Variants in SKAP1 observed in about 807,000 individuals in gnomAD.
The protein encoded by SKAP1 is src kinase-associated phosphoprotein 1.
A neutral mutation model predicts 58.5 loss-of-function variants in SKAP1; 44 were observed. That is an observed-to-expected ratio of 0.75 (90% CI 0.59 to 0.97). The LOEUF is 0.97. Among genes scored for constraint, SKAP1 ranks in the 50% least tolerant of loss-of-function variants. The probability of loss-of-function intolerance (pLI) is 0.00; values close to 1 mark genes in which losing one functional copy is unlikely to be tolerated. For synonymous variants in SKAP1, 127 were observed against 149.7 expected (o/e 0.85, Z 1.11); for missense variants, 390 against 435.2 (o/e 0.90, Z 0.92).
At chr17:48,305,551 G>T (rs9900461) in intron 4 of SKAP1, among the ~76,000 whole-genome samples, 14,037 of 152,154 alleles carry the variant, frequency 0.092, 975 homozygotes, top group African/African-American at 0.17. Flanking sequence ...AAAGTCTAAA[G>T]CTAGATTAGC....
chr17:48,312,009 T>C (rs1434128610), intron 4 of SKAP1, among the ~76,000 whole-genome samples: 2 of 152,230 alleles, frequency 1.3e-5, no homozygotes, highest in Non-Finnish European at 1.5e-5. Context: ...TACAAAAATC[T>C]TTCTAAGGAA....
chr17:48,208,273 T>C (rs888259122), intron 4 of SKAP1, among the ~76,000 whole-genome samples: 4 of 152,122 alleles, frequency 2.6e-5, no homozygotes, highest in African/African-American at 9.7e-5. Flanking sequence ...ACCATGTCAC[T>C]CCTGTGACCT....
intron 4 of SKAP1, among the ~76,000 whole-genome samples, chr17:48,292,689 T>C (rs981822820): frequency 4.6e-5 from 7 of 152,204 alleles, no homozygotes; most frequent in Admixed American, 4.6e-4. Flanking sequence ...CTTCAGAAAG[T>C]CACTGAATTT....
chr17:48,414,338 A>T (rs1336785440), intron 1 of SKAP1, among the ~76,000 whole-genome samples: 1 of 152,144 alleles, frequency 6.6e-6, no homozygotes, highest in Non-Finnish European at 1.5e-5. Context: ...TGGTGAGATG[A>T]GGAAAAGAAT....
intron 4 of SKAP1, among the ~76,000 whole-genome samples, chr17:48,222,266 T>C (rs934208806): frequency 2.6e-5 from 4 of 152,280 alleles, no homozygotes; most frequent in South Asian, 2.1e-4. Context: ...TACAAATCAA[T>C]AATAGTTTTA....
intron 5 of SKAP1, among the ~76,000 whole-genome samples, chr17:48,188,782 T>C (rs1338749760): frequency 2.0e-5 from 3 of 152,188 alleles, no homozygotes. Context: ...GCAGATCACT[T>C]GAGGCCAGGA....
intron 4 of SKAP1, among the ~76,000 whole-genome samples, chr17:48,273,537 C>T (rs374857484): frequency 6.6e-6 from 1 of 151,732 alleles, no homozygotes. Context: ...CCTGCCTCAG[C>T]CTCCCTAGTA....
chr17:48,303,706 A>G (rs1249428701), intron 4 of SKAP1, among the ~76,000 whole-genome samples: 1 of 152,228 alleles, frequency 6.6e-6, no homozygotes, highest in Non-Finnish European at 1.5e-5. Context: ...AGGCTTGGGG[A>G]AAAACCTTCA....
upstream of SKAP1, among the ~76,000 whole-genome samples, chr17:48,432,996 G>A (rs1407028717): frequency 6.6e-6 from 1 of 152,164 alleles, no homozygotes; most frequent in Non-Finnish European, 1.5e-5. Flanking sequence ...GCACAGTCGG[G>A]TAGTATGTAG....
chr17:48,138,851 GTTTTC>G (rs2063734816), intron 11 of SKAP1, among the ~76,000 whole-genome samples: 2 of 150,980 alleles, frequency 1.3e-5, no homozygotes, highest in African/African-American at 4.9e-5. Flanking sequence ...ACCAGAAAAT[GTTTTC>G]TTTCTTTTGA....
chr17:48,394,831 GGTGGAT>G (rs1200797121), intron 2 of SKAP1, among the ~76,000 whole-genome samples: 2 of 152,152 alleles, frequency 1.3e-5, no homozygotes, highest in Non-Finnish European at 2.9e-5. Flanking sequence ...TGATTGAATG[GGTGGAT>G]GTAAGGCAAT....
chr17:48,341,320 G>A (rs1460542415), intron 4 of SKAP1, among the ~76,000 whole-genome samples: 4 of 151,962 alleles, frequency 2.6e-5, no homozygotes, highest in Non-Finnish European at 1.5e-5. Flanking sequence ...TTTAATTTCA[G>A]AATACTAAAA....
In SKAP1 at chr17:48,421,296, CTTTTTTTTTTTTT is replaced by C. The variant is rs35201215; in HGVS notation, c.46+8766_46+8778del. Among the ~76,000 whole-genome samples the C allele has an allele frequency of 1.7e-5, 2 of 119,240 alleles. 1 individual carries two copies. The allele number at this position is 119,240 out of a possible 152,430, so 78.2% of individuals were successfully genotyped here. On this transcript the variant is annotated intron_variant, in intron 1 of 12. Transcript: ENST00000336915. ...TTTTACACACACAAAATAGAGTGTT[CTTTTTTTTTTTTT>C]TTTTTTTTTAAAGACGAATTTTGCT...
chr17:48,351,966 C>G (rs536124402), intron 3 of SKAP1, among the ~76,000 whole-genome samples: 1 of 150,954 alleles, frequency 6.6e-6, no homozygotes, highest in African/African-American at 2.4e-5. Flanking sequence ...TCTTTTTTTC[C>G]CTCAAGAAAA....
At chr17:48,222,790 G>C (rs2065019579) in intron 4 of SKAP1, among the ~76,000 whole-genome samples, 1 of 151,466 alleles carries the variant, frequency 6.6e-6, no homozygotes, top group South Asian at 2.1e-4. Context: ...TTAAGGCCGG[G>C]TGTGGTGGCT....
chr17:48,242,627 C>T (rs2065254375), intron 4 of SKAP1, among the ~76,000 whole-genome samples: 1 of 152,194 alleles, frequency 6.6e-6, no homozygotes, highest in Admixed American at 6.5e-5. Flanking sequence ...ATAGAAAGCT[C>T]CTCAGTGGAG....
chr17:48,233,482 C>T (rs1481206105), intron 4 of SKAP1, among the ~76,000 whole-genome samples: 5 of 151,514 alleles, frequency 3.3e-5, no homozygotes, highest in Non-Finnish European at 2.9e-5. Context: ...CTAGTAAAAA[C>T]AAGAATAGTC....
intron 11 of SKAP1, among the ~76,000 whole-genome samples, chr17:48,158,681 C>A (rs1247951530): frequency 1.3e-5 from 2 of 151,616 alleles, no homozygotes; most frequent in African/African-American, 4.8e-5. Flanking sequence ...ACAGCAGAGG[C>A]CGGGCGCAGT....
intron 8 of SKAP1, among the ~76,000 whole-genome samples, chr17:48,181,246 T>C (rs1221654490): frequency 6.6e-6 from 1 of 152,236 alleles, no homozygotes; most frequent in East Asian, 1.9e-4. Flanking sequence ...CCATATGTTA[T>C]TATTTTGTTT....
Sources: gnomAD v4.1 joint callset for allele counts (sites outside exome capture counted in the v4.1 genomes callset) on GRCh38, gnomAD v4.1.1 for gene constraint, MANE v1.5 for transcripts, NCBI Gene and HGNC (gene_info 2026-07-23, HGNC 2026-07-21) for gene names.